Variants in NMNAT2 observed in about 807,000 individuals in gnomAD.
NMNAT2 encodes nicotinamide nucleotide adenylyltransferase 2.
NMNAT2 carries 11 observed loss-of-function variants against 41.6 expected under a neutral mutation model. The ratio of observed to expected loss-of-function variants is 0.26; its 90% confidence interval spans 0.17 to 0.44. The LOEUF (loss-of-function observed/expected upper bound fraction) is 0.44, where lower values mean the gene tolerates loss of function less well. NMNAT2 is among the 20% of genes least tolerant of loss of function. The pLI is 1.00. For synonymous variants in NMNAT2, 148 were observed against 151.2 expected (o/e 0.98, Z 0.16); for missense variants, 288 against 407.7 (o/e 0.71, Z 2.53).
intron 3 of NMNAT2, 66 bp from the exon 4 acceptor site, chr1:183,290,272 C>A: frequency 7.6e-7 from 1 of 1,319,704 alleles, no homozygotes; most frequent in Non-Finnish European, 1.1e-6. Context: ...TTGTTACCTT[C>A]CAAAAATCAT....
intron 1 of NMNAT2, among the ~76,000 whole-genome samples, chr1:183,375,618 A>G (rs1295196867): frequency 6.6e-6 from 1 of 152,134 alleles, no homozygotes; most frequent in Non-Finnish European, 1.5e-5. Context: ...AGCCTCCCCT[A>G]TCTCCTGGAA....
intron 2 of NMNAT2, 110 bp from the exon 3 acceptor site, chr1:183,292,967 G>T: frequency 1.0e-6 from 1 of 963,870 alleles, no homozygotes; most frequent in Non-Finnish European, 1.6e-6. Context: ...TTTCAGTGGT[G>T]AGAGGGAATG....
intron 1 of NMNAT2, among the ~76,000 whole-genome samples, chr1:183,360,964 CA>C (rs1007817005): frequency 3.0e-4 from 46 of 152,280 alleles, no homozygotes; most frequent in Admixed American, 1.6e-3. Flanking sequence ...AGCTCTCCAC[CA>C]ACCCCTCTCT....
chr1:183,306,973 C>A (rs774800673), intron 1 of NMNAT2, among the ~76,000 whole-genome samples: 1 of 151,918 alleles, frequency 6.6e-6, no homozygotes, highest in Non-Finnish European at 1.5e-5. Flanking sequence ...GGGACATTGG[C>A]CATATTTCTA....
rs1328167522 is a variant in NMNAT2 at position 183,321,853 on chromosome 1, T to A, written c.86-28060A>T. Among the ~76,000 whole-genome samples, 12 of 152,290 alleles carry A rather than the reference T, an allele frequency of 7.9e-5. No homozygotes were observed. The East Asian group carries it at 2.3e-3, about 29-fold the overall frequency. ...TTTTGTTTTGAGACAGGGTCTCGAT[T>A]TGTCACCCAGGCTGGAGTGCAGTGG... On this transcript the variant is annotated intron_variant, in intron 1 of 10. Coordinates refer to ENST00000287713, the MANE Select transcript of NMNAT2 (RefSeq NM_015039.4).
At chr1:183,272,792 C>T (rs1411432487) in intron 8 of NMNAT2, among the ~76,000 whole-genome samples, 2 of 152,226 alleles carry the variant, frequency 1.3e-5, no homozygotes, top group African/African-American at 2.4e-5. Flanking sequence ...AGGCTTTCTC[C>T]CCAGACCCAT....
intron 8 of NMNAT2, among the ~76,000 whole-genome samples, chr1:183,265,154 T>C (rs916073979): frequency 3.8e-5 from 3 of 78,728 alleles, no homozygotes; most frequent in Non-Finnish European, 5.3e-5. Flanking sequence ...CATGAGCTCC[T>C]GGACCTGCTA....
chr1:183,269,187 T>C (rs767008857), intron 8 of NMNAT2, among the ~76,000 whole-genome samples: 4 of 152,188 alleles, frequency 2.6e-5, no homozygotes, highest in Non-Finnish European at 4.4e-5. Context: ...CACAGGGATA[T>C]CTAGGAGAAG....
At chr1:183,404,794 G>A (rs996682207) in intron 1 of NMNAT2, among the ~76,000 whole-genome samples, 1 of 152,202 alleles carries the variant, frequency 6.6e-6, no homozygotes, top group Admixed American at 6.5e-5. Flanking sequence ...CTCAAAGAAA[G>A]GAATTAGACA....
chr1:183,303,113 A>G (rs1661904825), intron 1 of NMNAT2, among the ~76,000 whole-genome samples: 1 of 152,200 alleles, frequency 6.6e-6, no homozygotes, highest in South Asian at 2.1e-4. Context: ...TCTAAGCCCT[A>G]CTGAAGCCTC....
chr1:183,393,238 T>C (rs911195892), intron 1 of NMNAT2, among the ~76,000 whole-genome samples: 3 of 152,250 alleles, frequency 2.0e-5, no homozygotes, highest in African/African-American at 7.2e-5. Flanking sequence ...TATATCATAG[T>C]TTTCCAGCTT....
chr1:183,342,201 AACT>A (rs1242273311), intron 1 of NMNAT2, among the ~76,000 whole-genome samples: 2 of 152,046 alleles, frequency 1.3e-5, no homozygotes, highest in African/African-American at 2.4e-5. Flanking sequence ...TCCTAAAGAG[AACT>A]ACAGGCCAGG....
At chr1:183,293,655 G>A (rs1194137262) in intron 2 of NMNAT2, 50 bp downstream of exon 2, 4 of 1,355,242 alleles carry the variant, frequency 3.0e-6, no homozygotes, top group East Asian at 2.3e-5. Context: ...ATCAGGCCAG[G>A]GATGGGGGGA....
intron 1 of NMNAT2, among the ~76,000 whole-genome samples, chr1:183,381,674 C>A (rs990273105): frequency 1.2e-4 from 18 of 151,098 alleles, no homozygotes; most frequent in African/African-American, 4.4e-4. Flanking sequence ...TCCAGCCTGG[C>A]CAAAAAAGTA....
chr1:183,417,999 G>A (rs1005277291), intron 1 of NMNAT2, among the ~76,000 whole-genome samples, 184 bp downstream of exon 1: 4 of 151,868 alleles, frequency 2.6e-5, no homozygotes, highest in African/African-American at 9.7e-5. Flanking sequence ...GTGACGCCTC[G>A]GAAACGCAGT....
chr1:183,392,656 C>A (rs1333410130), intron 1 of NMNAT2, among the ~76,000 whole-genome samples: 1 of 152,226 alleles, frequency 6.6e-6, no homozygotes, highest in Non-Finnish European at 1.5e-5. Flanking sequence ...TTCCTCCGCT[C>A]CAAACATACT....
intron 1 of NMNAT2, among the ~76,000 whole-genome samples, chr1:183,397,444 GC>G (rs1183988597): frequency 6.6e-6 from 1 of 152,160 alleles, no homozygotes; most frequent in Non-Finnish European, 1.5e-5. Context: ...TGACTGGTGT[GC>G]CTAAAAGTGA....
chr1:183,281,668 C>T (rs1174623890), intron 7 of NMNAT2, among the ~76,000 whole-genome samples: 2 of 152,226 alleles, frequency 1.3e-5, no homozygotes, highest in Non-Finnish European at 2.9e-5. Context: ...GCAGCAGTGA[C>T]TTCTCCCAGT....
intron 1 of NMNAT2, among the ~76,000 whole-genome samples, chr1:183,307,837 C>T (rs961705240): frequency 2.0e-5 from 3 of 152,224 alleles, no homozygotes; most frequent in African/African-American, 7.2e-5. Flanking sequence ...ACGCCTCGTC[C>T]TCCCAGAGTG....
Sources: allele counts gnomAD v4.1 joint callset (sites outside exome capture counted in the v4.1 genomes callset), GRCh38; gene constraint gnomAD v4.1.1; transcripts MANE v1.5; gene names NCBI Gene and HGNC (gene_info 2026-07-23, HGNC 2026-07-21).